The following CAPN5 variants were observed in gnomAD, a reference collection of about 807,000 sequenced individuals.
The protein encoded by CAPN5 is calpain-5.
In CAPN5, 54 loss-of-function variants were observed where a neutral mutation model predicts 73.0. The observed-to-expected ratio is 0.74, with a 90% CI of 0.59 to 0.93. The LOEUF (loss-of-function observed/expected upper bound fraction) is 0.93. Among genes scored for constraint, CAPN5 ranks in the 40% least tolerant of loss-of-function variants. CAPN5 has a pLI of 0.00. For missense variants in CAPN5, 785 were observed against 882.9 expected, an observed-to-expected ratio of 0.89 and a Z score of 1.41; for synonymous variants, 335 against 356.9, an observed-to-expected ratio of 0.94 and a Z score of 0.69.
chr11:77,105,277 CTCCCTGGCCACT>C (rs1950332736), intron 3 of CAPN5, among the ~76,000 whole-genome samples: 1 of 152,054 alleles, frequency 6.6e-6, no homozygotes, highest in Non-Finnish European at 1.5e-5. Context: ...CGAGCACTTG[CTCCCTGGCCACT>C]TCCCACACTC....
In CAPN5 at chr11:77,118,293, C is replaced by A; in HGVS notation, c.1108C>A (p.Arg370=). 6.2e-7 allele frequency: 1 copy of A among 1,613,318 alleles called. No individual in the cohort carries two copies. Among genetic ancestry groups the A allele is most frequent in the South Asian group, 1.1e-5 (1 of 90,890 alleles). ...CGCCTGGACGCTGCATGAGGACCCG[C>A]GACAGAACCGCGGTGGCGGCTGCAT... is the stretch of plus-strand genomic sequence containing the variant. The part of the protein sequence containing the change: ...HGAWTLHEDP[R]QNRGGGCINH... Residue 370 remains arginine, a synonymous_variant, in exon 8 of 13, where the codon CGA becomes AGA. Coordinates refer to ENST00000648180, the MANE Select transcript of CAPN5 (RefSeq NM_004055.5).
intron 3 of CAPN5, among the ~76,000 whole-genome samples, chr11:77,111,898 T>C (rs1318008516): frequency 6.7e-6 from 1 of 150,150 alleles, no homozygotes; most frequent in Non-Finnish European, 1.5e-5. Flanking sequence ...GGAAGTCTAC[T>C]GAGTAATGAG....
chr11:77,073,342 A>AC (rs1949931137), intron 1 of CAPN5, among the ~76,000 whole-genome samples: 2 of 152,162 alleles, frequency 1.3e-5, no homozygotes, highest in Middle Eastern at 3.4e-3. Flanking sequence ...GACCTGGAAC[A>AC]CCCTTTCAGA....
At chr11:77,093,940 T>C (rs879984614) in intron 3 of CAPN5, 127 bp downstream of exon 3, 2 of 1,389,672 alleles carry the variant, frequency 1.4e-6, no homozygotes, top group Admixed American at 4.1e-5. Flanking sequence ...AGGGATGGGG[T>C]GGGGGCCCCC....
At position 77,120,815 on chromosome 11, in the gene CAPN5, G is replaced by T; in HGVS notation, c.1393G>T (p.Glu465Ter). ...RSVFLRTDQP[E>*]GRYVIIPTTF... ...CGTCTTCCTGCGCACCGACCAGCCC[G>T]AGGGCCGCTATGTCATCATCCCCAC... The change falls in exon 10 of 13, where the codon GAG (glutamate) becomes TAG (stop). Residue 465 changes from glutamate to a stop codon, truncating the protein, a stop_gained. Transcript: ENST00000648180. LOFTEE classifies it high-confidence loss of function. 1 of 1,614,154 alleles carries T rather than the reference G, an allele frequency of 6.2e-7. No individual in the cohort carries two copies. The highest frequency in any genetic ancestry group is 8.5e-7 in the Non-Finnish European group (1 of 1,180,034).
chr11:77,075,819 C>T (rs868932408), intron 1 of CAPN5, among the ~76,000 whole-genome samples: 4 of 152,076 alleles, frequency 2.6e-5, no homozygotes, highest in Admixed American at 6.5e-5. Context: ...TACCGGAACC[C>T]CACAAGCTCT....
At chr11:77,104,601 G>A (rs1182496928) in intron 3 of CAPN5, among the ~76,000 whole-genome samples, 2 of 152,218 alleles carry the variant, frequency 1.3e-5, no homozygotes, top group Non-Finnish European at 2.9e-5. Flanking sequence ...ATTCCCCTTC[G>A]CATTGCGCAG....
At chr11:77,115,215 C>A (rs1311214389) in intron 5 of CAPN5, among the ~76,000 whole-genome samples, 180 bp from the exon 6 acceptor site, 7 of 152,272 alleles carry the variant, frequency 4.6e-5, no homozygotes, top group African/African-American at 1.7e-4. Context: ...GGGCACCTTC[C>A]TTTACTGAGA....
chr11:77,115,667 C>A, intron 6 of CAPN5, 79 bp downstream of exon 6: 2 of 1,203,470 alleles, frequency 1.7e-6, no homozygotes, highest in Non-Finnish European at 1.2e-6. Flanking sequence ...GAGGAGTTGG[C>A]ACTGGGGCTG....
At chr11:77,100,416 C>T (rs1170977988) in intron 3 of CAPN5, among the ~76,000 whole-genome samples, 2 of 151,874 alleles carry the variant, frequency 1.3e-5, no homozygotes, top group African/African-American at 4.8e-5. Context: ...TCCCACCGCT[C>T]GTCCCTCCCG....
At chr11:77,072,982 T>G in intron 1 of CAPN5, 12 of 794,312 alleles carry the variant, frequency 1.5e-5, no homozygotes, top group Non-Finnish European at 2.2e-5. Context: ...TCAAGTCCCA[T>G]TTTGTTAGGT....
At position 77,118,287 on chromosome 11, in the gene CAPN5, G is replaced by T; in HGVS notation, c.1102G>T (p.Asp368Tyr). ...GCATGGCGCCTGGACGCTGCATGAG[G>T]ACCCGCGACAGAACCGCGGTGGCGG... ...RLHGAWTLHE[D>Y]PRQNRGGGCI... is the part of the protein sequence containing the mutation. Residue 368 changes from aspartate to tyrosine, a missense_variant, in exon 8 of 13, where the codon GAC becomes TAC. By Grantham distance (160) the Asp-to-Tyr change is radical. Transcript: ENST00000648180. The T allele has an allele frequency of 2.5e-6, 4 of 1,613,748 alleles. No homozygotes were observed. The highest frequency in any genetic ancestry group is 3.4e-6 in the Non-Finnish European group (4 of 1,179,894).
At chr11:77,103,266 G>C (rs376786233) in intron 3 of CAPN5, 34 of 1,613,190 alleles carry the variant, frequency 2.1e-5, no homozygotes, top group Non-Finnish European at 2.7e-5. Context: ...GTACTTCCTC[G>C]TCACCTTTGG....
chr11:77,084,860 C>T lies in CAPN5; in HGVS notation c.-27C>T, dbSNP rs782045040. On this transcript the variant is annotated 5_prime_UTR_variant, in exon 2 of 13. Coordinates refer to ENST00000648180, the MANE Select transcript of CAPN5 (RefSeq NM_004055.5). ...CTTGCCTTCCTGTCCAGGTGTTCCC[C>T]CTCCCCTCCCTGGGGCAGCAGCCAC... 6.2e-7 allele frequency: 1 copy of T among 1,613,614 alleles called. No homozygotes were observed. Among genetic ancestry groups the T allele is most frequent in the Non-Finnish European group, 8.5e-7 (1 of 1,179,860 alleles).
intron 1 of CAPN5, among the ~76,000 whole-genome samples, chr11:77,069,058 C>A (rs911087085): frequency 1.3e-5 from 2 of 152,186 alleles, no homozygotes; most frequent in African/African-American, 4.8e-5. Flanking sequence ...AGGCCTCCTG[C>A]GCCCTCAGTG....
intron 7 of CAPN5, among the ~76,000 whole-genome samples, chr11:77,116,802 G>A (rs1950473070): frequency 6.6e-6 from 1 of 152,244 alleles, no homozygotes; most frequent in Non-Finnish European, 1.5e-5. Context: ...TAGCTTCTAA[G>A]CTGAGACTTG....
chr11:77,081,313 G>T (rs1285034028), intron 1 of CAPN5, among the ~76,000 whole-genome samples: 3 of 152,168 alleles, frequency 2.0e-5, no homozygotes, highest in African/African-American at 7.2e-5. Context: ...TTTCTCTCCT[G>T]CCTCTGTGGC....
chr11:77,091,449 G>A (rs1204703308), intron 2 of CAPN5, among the ~76,000 whole-genome samples: 2 of 152,220 alleles, frequency 1.3e-5, no homozygotes, highest in African/African-American at 4.8e-5. Context: ...TGTGTGGCGG[G>A]GACATGGTAT....
chr11:77,074,571 T>C (rs930843563), intron 1 of CAPN5, among the ~76,000 whole-genome samples: 1 of 151,870 alleles, frequency 6.6e-6, no homozygotes, highest in African/African-American at 2.4e-5. Flanking sequence ...CAAGTTGGAG[T>C]TGACTGTGTC....
Sources: gnomAD v4.1 joint callset for allele counts (sites outside exome capture counted in the v4.1 genomes callset) on GRCh38, gnomAD v4.1.1 for gene constraint, MANE v1.5 for transcripts, NCBI Gene and HGNC (gene_info 2026-07-23, HGNC 2026-07-21) for gene names.